The following PTPRF variants were observed in gnomAD, a reference collection of about 807,000 sequenced individuals.
PTPRF encodes receptor-type tyrosine-protein phosphatase F.
In PTPRF, 59 loss-of-function variants were observed where a neutral mutation model predicts 201.8. That is an observed-to-expected ratio of 0.29 (90% CI 0.24 to 0.36). The LOEUF (loss-of-function observed/expected upper bound fraction) is 0.36, where lower values mean the gene tolerates loss of function less well. Among genes scored for constraint, PTPRF ranks in the 10% least tolerant of loss-of-function variants. PTPRF has a pLI of 1.00. For missense variants in PTPRF, 2,132 were observed against 2,690.5 expected (o/e 0.79, Z 4.59); for synonymous variants, 1,088 against 1,089.7 (o/e 1.00, Z 0.03).
chr1:43,553,024 G>A lies in PTPRF; in HGVS notation c.92-468G>A, dbSNP rs549613557. On this transcript the variant is annotated intron_variant, in intron 3 of 33. Coordinates refer to ENST00000359947, the MANE Select transcript of PTPRF (RefSeq NM_002840.5). The surrounding 1 kb of genome is among the most constrained non-coding windows in gnomAD (Gnocchi z 4.1). Reference sequence around the variant, plus strand: ...CTCGGTTCCTGGCCGGAGCCCCGGGGTGGATGGTGGTGCCATCACTGAGAT... The same window carrying A: ...CTCGGTTCCTGGCCGGAGCCCCGGGATGGATGGTGGTGCCATCACTGAGAT... 4.3e-4 allele frequency among the ~76,000 whole-genome samples: 65 copies of A among 152,310 alleles called. 1 individual carries two copies. The highest frequency in any genetic ancestry group is 1.2e-4 in the Non-Finnish European group (8 of 68,026).
chr1:43,526,462 G>A (rs1001625102), upstream of PTPRF, among the ~76,000 whole-genome samples: 2 of 151,876 alleles, frequency 1.3e-5, no homozygotes, highest in Non-Finnish European at 2.9e-5. Context: ...AATTAAAAAA[G>A]CATTAGTCAA....
At chr1:43,531,444 C>T (rs1232826056) in intron 1 of PTPRF, among the ~76,000 whole-genome samples, 2 of 142,742 alleles carry the variant, frequency 1.4e-5, no homozygotes, top group Admixed American at 6.9e-5. Context: ...TTCTTGCTCC[C>T]CCTCATCGGT....
chr1:43,550,610 T>G (rs541061507), intron 3 of PTPRF, among the ~76,000 whole-genome samples: 6 of 152,238 alleles, frequency 3.9e-5, no homozygotes, highest in Non-Finnish European at 7.3e-5. Context: ...CTATCTGCCC[T>G]GCCCAGGGTT....
chr1:43,584,405 T>C (rs889043645), intron 7 of PTPRF, among the ~76,000 whole-genome samples: 2 of 152,190 alleles, frequency 1.3e-5, no homozygotes, highest in African/African-American at 4.8e-5. Flanking sequence ...AGCTGAGCAC[T>C]GGGGCATTTC....
chr1:43,613,523 A>G (rs1338787640), intron 22 of PTPRF, 95 bp from the exon 23 acceptor site: 4 of 1,006,100 alleles, frequency 4.0e-6, no homozygotes, highest in Non-Finnish European at 6.3e-6. Context: ...ATGGTCACAC[A>G]TGTTCACATG....
Position 43,603,351 on chromosome 1 carries a change from C to T in PTPRF, c.2341-65C>T. On this transcript the variant is annotated intron_variant, in intron 14 of 33. Transcript: ENST00000359947. This position sits in a 1 kb window ranked among gnomAD's most constrained non-coding sequence, Gnocchi z 5.8. ...TCCCCTCAGGCTAGGGTCCTGAGGT[C>T]CCTGACAAGGTCTGGCCTCTCCCTG... 6.9e-7 allele frequency: 1 copy of T among 1,458,618 alleles called. No individual in the cohort carries two copies. The highest frequency in any genetic ancestry group is 1.1e-5 in the South Asian group (1 of 87,780). 90.4% of individuals were successfully genotyped at this position (1,458,618 alleles called of 1,614,324 possible).
chr1:43,524,018 G>A (rs1441729400), upstream of PTPRF, among the ~76,000 whole-genome samples: 6 of 128,486 alleles, frequency 4.7e-5, no homozygotes, highest in South Asian at 2.5e-4. Flanking sequence ...AGCCGAGATC[G>A]CATCACCCTG....
intron 11 of PTPRF, among the ~76,000 whole-genome samples, chr1:43,593,857 T>A (rs1439587173): frequency 6.6e-6 from 1 of 151,766 alleles, no homozygotes; most frequent in Non-Finnish European, 1.5e-5. Flanking sequence ...GTGGTGGTGG[T>A]TGCCTGCAAT....
upstream of PTPRF, among the ~76,000 whole-genome samples, chr1:43,523,159 G>A (rs950946079): frequency 4.6e-5 from 7 of 152,190 alleles, no homozygotes; most frequent in African/African-American, 1.2e-4. Flanking sequence ...CAGAGAACTC[G>A]AGAAAGGAAT....
rs750199512 is a variant in PTPRF, at chr1:43,606,191, G to A, written c.3484-49G>A. ...ATCCCAGGCCACAGCCTCAGGGCTGGCCGGCATGCTCCAAGGCCCCTCATG... is the reference window on the plus strand; with the variant it reads ...ATCCCAGGCCACAGCCTCAGGGCTGACCGGCATGCTCCAAGGCCCCTCATG... On this transcript the variant is annotated intron_variant, in intron 19 of 33. Transcript: ENST00000359947. 3 of 1,565,348 alleles carry A rather than the reference G, an allele frequency of 1.9e-6. No homozygotes were observed. In the African/African-American group the frequency reaches 4.0e-5, roughly 21 times the overall value.
intron 22 of PTPRF, among the ~76,000 whole-genome samples, chr1:43,610,990 C>T (rs142281381): frequency 8.5e-5 from 13 of 152,304 alleles, no homozygotes; most frequent in African/African-American, 3.1e-4. Context: ...ACCAGATGTC[C>T]ACAAAGCCTA....
chr1:43,550,215 C>A (rs577325427), intron 3 of PTPRF, among the ~76,000 whole-genome samples: 9 of 152,328 alleles, frequency 5.9e-5, no homozygotes, highest in Non-Finnish European at 1.2e-4. Context: ...GTTCTGCCTC[C>A]TCGATAGCCC....
At chr1:43,614,696 C>A (rs968979516) in intron 23 of PTPRF, among the ~76,000 whole-genome samples, 1 of 152,046 alleles carries the variant, frequency 6.6e-6, no homozygotes, top group Admixed American at 6.5e-5. Flanking sequence ...ACTATAAATA[C>A]AAAAATTAGC....
Position 43,605,383 on chromosome 1 carries a change from A to G in PTPRF, c.3329A>G (p.Tyr1110Cys), listed in dbSNP as rs922030109. 6.2e-7 allele frequency: 1 copy of G among 1,613,780 alleles called. No individual in the cohort carries two copies. The highest frequency in any genetic ancestry group is 1.3e-5 in the African/African-American group (1 of 74,926). Residue 1110 changes from tyrosine (Y) to cysteine (C), a missense_variant, in exon 18 of 34, where the codon TAC becomes TGC. Coordinates refer to ENST00000359947, the MANE Select transcript of PTPRF (RefSeq NM_002840.5). ...CACAAGCCGCTGCCTGCCTCTGCCTACATAGAGGACGGCCGCTTCGATCTC... is the reference window on the plus strand; with the variant it reads ...CACAAGCCGCTGCCTGCCTCTGCCTGCATAGAGGACGGCCGCTTCGATCTC... ...LPHKPLPASA[Y>C]IEDGRFDLSM...
At chr1:43,549,893 C>T (rs1054344684) in intron 3 of PTPRF, among the ~76,000 whole-genome samples, 3 of 151,934 alleles carry the variant, frequency 2.0e-5, no homozygotes, top group Admixed American at 2.0e-4. Context: ...AAAAGTGAGC[C>T]TGAGAGCTTA....
upstream of PTPRF, among the ~76,000 whole-genome samples, chr1:43,522,882 T>C (rs1642995479): frequency 6.6e-6 from 1 of 152,152 alleles, no homozygotes; most frequent in African/African-American, 2.4e-5. Context: ...TCCAGCCCCA[T>C]GTAAGCCATT....
At chr1:43,581,616 C>A (rs921736780) in intron 7 of PTPRF, among the ~76,000 whole-genome samples, 1 of 152,256 alleles carries the variant, frequency 6.6e-6, no homozygotes, top group African/African-American at 2.4e-5. Flanking sequence ...CTGCCCTCAG[C>A]AGTACTAGGG....
chr1:43,593,097 G>A (rs910390865), intron 11 of PTPRF, among the ~76,000 whole-genome samples: 4 of 152,210 alleles, frequency 2.6e-5, no homozygotes, highest in African/African-American at 9.6e-5. Flanking sequence ...CTGCACTCGG[G>A]GACAGGTCTG....
At chr1:43,565,519 G>T (rs755854516) in intron 5 of PTPRF, among the ~76,000 whole-genome samples, 2 of 152,090 alleles carry the variant, frequency 1.3e-5, no homozygotes, top group Admixed American at 1.3e-4. Context: ...AAACGGTGTG[G>T]AGACTCGGGC....
Sources: gnomAD v4.1 joint callset for allele counts (sites outside exome capture counted in the v4.1 genomes callset) on GRCh38, gnomAD v4.1.1 for gene constraint, Gnocchi (gnomAD v3.1) non-coding constraint, MANE v1.5 for transcripts, NCBI Gene and HGNC (gene_info 2026-07-23, HGNC 2026-07-21) for gene names.